The following ZW10 variants were observed in gnomAD, a reference collection of about 807,000 sequenced individuals.
ZW10 encodes the protein centromere/kinetochore protein zw10 homolog.
In ZW10, 53 loss-of-function variants were observed where a neutral mutation model predicts 87.8. The observed-to-expected ratio is 0.60, with a 90% CI of 0.48 to 0.76. The LOEUF is 0.76. Ranked by LOEUF, ZW10 falls within the 30% of genes least tolerant of loss-of-function variation. ZW10 has a pLI of 0.00. For missense variants in ZW10, 837 were observed against 923.0 expected, an observed-to-expected ratio of 0.91 and a Z score of 1.21; for synonymous variants, 312 against 329.2, an observed-to-expected ratio of 0.95 and a Z score of 0.57.
At chr11:113,735,108 A>G (rs1422911558) in intron 15 of ZW10, among the ~76,000 whole-genome samples, 2 of 152,154 alleles carry the variant, frequency 1.3e-5, no homozygotes, top group South Asian at 2.1e-4. Flanking sequence ...TTTTCTTTAC[A>G]TTATAAATAC....
In ZW10 at chr11:113,768,725, A is replaced by G. The variant is rs1453932671; in HGVS notation, c.240+108T>C. ...CATTTAGTTCAATCTCCATTTACCA[A>G]TCAGAAAAGTGAGGGTTTAAAAAGT... is the stretch of plus-strand genomic sequence containing the variant. On this transcript the variant is annotated intron_variant, in intron 2 of 15. Transcript: ENST00000200135. 41 of 1,180,564 alleles carry G rather than the reference A, an allele frequency of 3.5e-5. No individual in the cohort carries two copies. The East Asian group carries it at 9.9e-4, about 28-fold the overall frequency. The allele number at this position is 1,180,564 out of a possible 1,614,324, so 73.1% of individuals were successfully genotyped here.
rs905907675 is a variant in ZW10 at position 113,758,482 on chromosome 11, T to A, written c.733+72A>T. ...ATACTCTGCAGAGAATATTTTATCA[T>A]CTTTTCTGTCTTCCCTTTAATACTG... On this transcript the variant is annotated intron_variant, in intron 6 of 15. Coordinates refer to ENST00000200135, the MANE Select transcript of ZW10 (RefSeq NM_004724.4). The A allele has an allele frequency of 2.4e-5, 35 of 1,455,434 alleles. No homozygotes were observed. In the East Asian group the frequency reaches 7.7e-4, roughly 32 times the overall value. The allele number at this position is 1,455,434 out of a possible 1,614,324, so 90.2% of individuals were successfully genotyped here. A position where few individuals can be genotyped will look rare whatever the true frequency, so the allele number is the denominator to read the frequency against.
At chr11:113,741,587 A>G in intron 11 of ZW10, 107 bp downstream of exon 11, 1 of 663,174 alleles carries the variant, frequency 1.5e-6, no homozygotes, top group South Asian at 2.9e-5. Context: ...TGTGAATGTT[A>G]GTAAACAAAA....
At chr11:113,739,858 A>C (rs1264411158) in intron 11 of ZW10, among the ~76,000 whole-genome samples, 2 of 152,208 alleles carry the variant, frequency 1.3e-5, no homozygotes, top group South Asian at 2.1e-4. Flanking sequence ...AGATGTTTAG[A>C]CTTTACCCCA....
intron 6 of ZW10, 30 bp downstream of exon 6, chr11:113,758,524 G>C (rs777899496): frequency 3.1e-6 from 5 of 1,607,042 alleles, no homozygotes; most frequent in Non-Finnish European, 4.3e-6. Flanking sequence ...AGGAGATTTT[G>C]TGTAAATGAA....
At chr11:113,754,162 T>G (rs893650101) in intron 7 of ZW10, among the ~76,000 whole-genome samples, 4 of 152,150 alleles carry the variant, frequency 2.6e-5, no homozygotes, top group Non-Finnish European at 4.4e-5. Context: ...GACTTTAAGA[T>G]GAAACCATGT....
rs1953583595 is a variant in ZW10, at chr11:113,739,084, C to T, written c.1753+129G>A. 3.1e-6 allele frequency: 3 copies of T among 954,334 alleles called. No individual in the cohort carries two copies. In the South Asian group the frequency reaches 5.4e-5, roughly 17 times the overall value. 59.1% of individuals were successfully genotyped at this position (954,334 alleles called of 1,614,324 possible). A position where few individuals can be genotyped will look rare whatever the true frequency, so the allele number is the denominator to read the frequency against. ...ACTGGAAACACTTGCAAATTAAATGCCCTCCCACTTTCTGATACAGCTCAG... is the reference window on the plus strand; with the variant it reads ...ACTGGAAACACTTGCAAATTAAATGTCCTCCCACTTTCTGATACAGCTCAG... On this transcript the variant is annotated intron_variant, in intron 12 of 15. Transcript: ENST00000200135.
intron 9 of ZW10, 28 bp downstream of exon 9, chr11:113,747,503 C>T (rs554249003): frequency 6.3e-7 from 1 of 1,586,116 alleles, no homozygotes; most frequent in Admixed American, 1.7e-5. Context: ...TACAATGTTT[C>T]ATATACAATG....
At chr11:113,744,141 A>G in intron 9 of ZW10, 101 bp from the exon 10 acceptor site, 2 of 954,628 alleles carry the variant, frequency 2.1e-6, no homozygotes, top group South Asian at 3.3e-5. Flanking sequence ...TAATCCCAGC[A>G]CTTTGGGAGG....
intron 9 of ZW10, among the ~76,000 whole-genome samples, chr11:113,744,380 G>A (rs967255682): frequency 3.9e-5 from 6 of 151,938 alleles, no homozygotes; most frequent in African/African-American, 1.2e-4. Flanking sequence ...TCCAGCCTGG[G>A]CGACAGAGCA....
At chr11:113,761,144 A>G (rs1953856617) in intron 2 of ZW10, among the ~76,000 whole-genome samples, 1 of 152,120 alleles carries the variant, frequency 6.6e-6, no homozygotes, top group Non-Finnish European at 1.5e-5. Context: ...CTCTCAACAT[A>G]ATATCCTCAT....
chr11:113,758,440 G>T, intron 6 of ZW10, 114 bp downstream of exon 6: 1 of 964,536 alleles, frequency 1.0e-6, no homozygotes, highest in Non-Finnish European at 1.5e-6. Flanking sequence ...TGAATCAAGA[G>T]GCCAGACCCT....
intron 5 of ZW10, 93 bp downstream of exon 5, chr11:113,760,116 C>A (rs894283634): frequency 1.6e-5 from 22 of 1,400,336 alleles, no homozygotes; most frequent in Non-Finnish European, 1.8e-5. Context: ...ATGAATGAAC[C>A]CTCATCTACT....
At chr11:113,734,558 A>G (rs1336540002) in intron 15 of ZW10, among the ~76,000 whole-genome samples, 2 of 152,164 alleles carry the variant, frequency 1.3e-5, no homozygotes, top group African/African-American at 4.8e-5. Flanking sequence ...TAATCCCAAC[A>G]CTTTGGGAGG....
Position 113,747,519 on chromosome 11 carries a change from T to G in ZW10, c.1272+12A>C. On this transcript the variant is annotated intron_variant, in intron 9 of 15. Transcript: ENST00000200135. The stretch of plus-strand genomic sequence containing the variant: ...ACAATGTTTCATATACAATGCAATA[T>G]AACACTGGTACCTTCACAGTGTTAT... 6.2e-7 allele frequency: 1 copy of G among 1,607,962 alleles called. No homozygotes were observed. The highest frequency in any genetic ancestry group is 1.1e-5 in the South Asian group (1 of 90,372).
intron 2 of ZW10, 140 bp from the exon 3 acceptor site, chr11:113,761,058 T>C (rs1953855588): frequency 1.5e-6 from 1 of 676,170 alleles, no homozygotes; most frequent in Non-Finnish European, 2.5e-6. Context: ...GGAATAAAAA[T>C]CACAGAATGT....
In ZW10 at chr11:113,761,823, AC is replaced by A. The variant is rs368252154; in HGVS notation, c.241-906del. Among the ~76,000 whole-genome samples the A allele has an allele frequency of 3.8e-3, 573 of 151,948 alleles. 6 individuals carry two copies. The highest frequency in any genetic ancestry group is 0.013 in the African/African-American group (541 of 41,424). ...AAAAAATCCCTCCCCCTTACCAACC[AC>A]CCTATTGCTCAGTAACTGTTTTATT... On this transcript the variant is annotated intron_variant, in intron 2 of 15. Transcript: ENST00000200135.
In ZW10 at chr11:113,759,745, G is replaced by A. The variant is rs144155800; in HGVS notation, c.580+464C>T. The stretch of plus-strand genomic sequence containing the variant: ...CAAGGACTGGAAAGAAATTGAGCAA[G>A]ACCCCTCCTCTACCCACAAGCCTAC... On this transcript the variant is annotated intron_variant, in intron 5 of 15. Transcript: ENST00000200135. Among the ~76,000 whole-genome samples, 24 of 152,236 alleles carry A rather than the reference G, an allele frequency of 1.6e-4. No homozygotes were observed. In the East Asian group the frequency reaches 4.6e-3, roughly 29 times the overall value.
At chr11:113,771,897 A>G (rs1370416191) in intron 1 of ZW10, among the ~76,000 whole-genome samples, 1 of 152,224 alleles carries the variant, frequency 6.6e-6, no homozygotes, top group East Asian at 1.9e-4. Flanking sequence ...AGAACAAATT[A>G]TGCTTGCCCT....
Sources: allele counts gnomAD v4.1 joint callset (sites outside exome capture counted in the v4.1 genomes callset), GRCh38; gene constraint gnomAD v4.1.1; transcripts MANE v1.5; gene names NCBI Gene and HGNC (gene_info 2026-07-23, HGNC 2026-07-21).